KIAA1671: variants seen among roughly 807,000 people sequenced by gnomAD.
The protein encoded by KIAA1671 is uncharacterized protein KIAA1671.
In KIAA1671, 52 loss-of-function variants were observed where a neutral mutation model predicts 131.2. The observed-to-expected ratio is 0.40, with a 90% CI of 0.32 to 0.50. The LOEUF (loss-of-function observed/expected upper bound fraction) is 0.50, where lower values mean the gene tolerates loss of function less well. Among genes scored for constraint, KIAA1671 ranks in the 20% least tolerant of loss-of-function variants. The probability of loss-of-function intolerance (pLI) is 0.73; values close to 1 mark genes in which losing one functional copy is unlikely to be tolerated. For missense variants in KIAA1671, 2,360 were observed against 2,364.2 expected (o/e 1.00, Z 0.04); for synonymous variants, 1,003 against 961.6 (o/e 1.04, Z -0.80).
rs1033366857 is a variant in KIAA1671, at chr22:25,038,944, G to A, written c.1814G>A (p.Arg605Gln). ...CPSDVTPEDD[R>Q]SFQTVWATVF... ...TCTGACGTCACTCCAGAGGATGACC[G>A]GAGCTTCCAGACTGTGTGGGCCACA... The change falls in exon 5 of 13, where the codon CGG becomes CAG. Residue 605 changes from arginine to glutamine, a missense_variant. By Grantham distance (43) the Arg-to-Gln change is conservative. Transcript: ENST00000358431. 57 of 1,551,602 alleles carry A rather than the reference G, an allele frequency of 3.7e-5. No homozygotes were observed. The highest frequency in any genetic ancestry group is 4.4e-5 in the Non-Finnish European group (50 of 1,147,014).
intron 4 of KIAA1671, among the ~76,000 whole-genome samples, chr22:25,034,493 G>GT (rs1926480813): frequency 6.6e-6 from 1 of 151,870 alleles, no homozygotes. Context: ...TTCACTCAGA[G>GT]TAATTATGTT....
intron 6 of KIAA1671, among the ~76,000 whole-genome samples, chr22:25,161,228 C>T (rs1199539923): frequency 2.0e-5 from 3 of 152,234 alleles, no homozygotes; most frequent in Admixed American, 6.5e-5. Flanking sequence ...CAAAAAACAG[C>T]GACCCCCTTG....
At chr22:24,992,841 C>T (rs1312972695) in intron 1 of KIAA1671, among the ~76,000 whole-genome samples, 1 of 93,654 alleles carries the variant, frequency 1.1e-5, no homozygotes, top group Non-Finnish European at 2.3e-5. Context: ...AAAAAAAAGA[C>T]AATGCCAAGT....
rs543631808 is a variant in KIAA1671 at position 25,125,029 on chromosome 22, G to C, written c.4531-45791G>C. ...CTGCTTCAGCCTCCCAAAGTGCTGG[G>C]ATTACAGGCATGAGCCACTGTTCCT... On this transcript the variant is annotated intron_variant, in intron 6 of 12. Coordinates refer to ENST00000358431, the MANE Select transcript of KIAA1671 (RefSeq NM_001145206.2). Among the ~76,000 whole-genome samples the C allele has an allele frequency of 1.4e-3, 216 of 152,322 alleles. 3 individuals carry two copies. The Middle Eastern group carries it at 0.024, about 17-fold the overall frequency.
chr22:25,033,652 C>T (rs1023747723), intron 4 of KIAA1671, among the ~76,000 whole-genome samples: 2 of 133,500 alleles, frequency 1.5e-5, no homozygotes, highest in South Asian at 5.3e-4. Context: ...GATCTCGGCT[C>T]GCTGCAAGCT....
chr22:24,978,303 C>T (rs1923021690), intron 1 of KIAA1671, among the ~76,000 whole-genome samples: 1 of 152,284 alleles, frequency 6.6e-6, no homozygotes, highest in Non-Finnish European at 1.5e-5. Flanking sequence ...GCTTTTGCCT[C>T]TTCCTCATTT....
chr22:25,039,986 A>AC lies in KIAA1671; in HGVS notation c.2862dup (p.Asn955GlnfsTer5). ...TGGACAGATGGCGGCGGCGGACTTT[A>AC]CCCCCCAACGTGAAATTTGATACAT... On this transcript the variant is annotated frameshift_variant, in exon 5 of 13. Transcript: ENST00000358431. LOFTEE classifies it high-confidence loss of function. 6.4e-7 allele frequency: 1 copy of AC among 1,550,850 alleles called. No individual in the cohort carries two copies. The highest frequency in any genetic ancestry group is 8.7e-7 in the Non-Finnish European group (1 of 1,146,598).
intron 1 of KIAA1671, among the ~76,000 whole-genome samples, chr22:24,966,286 C>G (rs1467500769): frequency 6.6e-6 from 1 of 152,144 alleles, no homozygotes; most frequent in Non-Finnish European, 1.5e-5. Context: ...GCGAGCACTG[C>G]CGAGGGAAGG....
chr22:25,029,586 C>A, intron 3 of KIAA1671, 46 bp downstream of exon 3: 1 of 1,392,738 alleles, frequency 7.2e-7, no homozygotes, highest in Non-Finnish European at 9.7e-7. Context: ...CCCACCCACA[C>A]ACCCTGAGGA....
intron 6 of KIAA1671, among the ~76,000 whole-genome samples, chr22:25,096,723 T>G (rs758302332): frequency 6.6e-5 from 10 of 152,318 alleles, no homozygotes; most frequent in Non-Finnish European, 1.5e-4. Flanking sequence ...GTGAAAATAA[T>G]AAGCACGTTC....
At chr22:25,104,420 G>GTC (rs1930882960) in intron 6 of KIAA1671, among the ~76,000 whole-genome samples, 1 of 152,224 alleles carries the variant, frequency 6.6e-6, no homozygotes, top group Non-Finnish European at 1.5e-5. Flanking sequence ...AAAGCCGAAG[G>GTC]TTGTCTTGGA....
intron 1 of KIAA1671, among the ~76,000 whole-genome samples, chr22:24,957,965 C>CTTTTT (rs140702390): frequency 3.5e-5 from 4 of 114,458 alleles, no homozygotes; most frequent in East Asian, 5.2e-4. Context: ...GGCACCCGGC[C>CTTTTT]TTTTTTTTTT....
chr22:25,039,396 G>A lies in KIAA1671; in HGVS notation c.2266G>A (p.Ala756Thr). ...CATCTCACCGGCACCGGAGGAGAAAGCGGTCACGCTCCGCAGCCTCAGGTC... is the reference window on the plus strand; with the variant it reads ...CATCTCACCGGCACCGGAGGAGAAAACGGTCACGCTCCGCAGCCTCAGGTC... Reference protein sequence around the residue: ...EAISPAPEEKAVTLRSLRSWL... With the variant: ...EAISPAPEEKTVTLRSLRSWL... The change falls in exon 5 of 13, where the codon GCG becomes ACG. Residue 756 changes from alanine to threonine, a missense_variant. Physicochemically the swap from Ala to Thr is moderately conservative, Grantham distance 58. Around this residue, in one of 3 missense-constraint regions of KIAA1671, gnomAD observed 1,185 missense variants for 1,126.2 expected, o/e 1.05. Transcript: ENST00000358431. 1 of 1,551,844 alleles carries A rather than the reference G, an allele frequency of 6.4e-7. No individual in the cohort carries two copies. Among genetic ancestry groups the A allele is most frequent in the South Asian group, 1.2e-5 (1 of 84,064 alleles).
chr22:25,069,442 G>A (rs564694848), intron 6 of KIAA1671, among the ~76,000 whole-genome samples: 1 of 152,262 alleles, frequency 6.6e-6, no homozygotes, highest in South Asian at 2.1e-4. Flanking sequence ...TCCCCACCTG[G>A]TGCAGCTGGC....
At chr22:25,101,921 A>G (rs1004055470) in intron 6 of KIAA1671, among the ~76,000 whole-genome samples, 3 of 152,336 alleles carry the variant, frequency 2.0e-5, no homozygotes, top group East Asian at 1.9e-4. Context: ...TAGGGGTTAC[A>G]TAGGCAGAGT....
chr22:25,067,547 T>C (rs1378333079), intron 6 of KIAA1671, among the ~76,000 whole-genome samples: 1 of 152,008 alleles, frequency 6.6e-6, no homozygotes, highest in African/African-American at 2.4e-5. Flanking sequence ...TTCCCTGTCT[T>C]GCCCTTCCCT....
chr22:24,978,675 T>A (rs1428024672), intron 1 of KIAA1671, among the ~76,000 whole-genome samples: 1 of 151,708 alleles, frequency 6.6e-6, no homozygotes, highest in Non-Finnish European at 1.5e-5. Flanking sequence ...ACCATCTTAA[T>A]CTTTTGTTTT....
rs1049826237 is a variant in KIAA1671, at chr22:25,193,752, G to T, written c.*1351G>T. On this transcript the variant is annotated 3_prime_UTR_variant, in exon 13 of 13. Transcript: ENST00000358431. ...CTGTTCAGCACCAGGGACAGCAACTGCAGGGCTGTGAGGCCGGAGCCCACC... is the reference window on the plus strand; with the variant it reads ...CTGTTCAGCACCAGGGACAGCAACTTCAGGGCTGTGAGGCCGGAGCCCACC... 6.6e-6 allele frequency: 1 copy of T among 152,252 alleles called. No homozygotes were observed. Among genetic ancestry groups the T allele is most frequent in the Admixed American group, 6.5e-5 (1 of 15,286 alleles). The allele number at this position is 152,252 out of a possible 1,614,324, so 9.4% of individuals were successfully genotyped here. A position where few individuals can be genotyped will look rare whatever the true frequency, so the allele number is the denominator to read the frequency against.
At chr22:25,070,119 C>T (rs1928732710) in intron 6 of KIAA1671, 3 of 365,702 alleles carry the variant, frequency 8.2e-6, no homozygotes, top group Non-Finnish European at 1.5e-5. Context: ...GGACCCGCCC[C>T]ACTGGACGAG....
Sources: allele counts gnomAD v4.1 joint callset (sites outside exome capture counted in the v4.1 genomes callset), GRCh38; gene constraint gnomAD v4.1.1; regional missense constraint gnomAD v4.1.1; transcripts MANE v1.5; gene names NCBI Gene and HGNC (gene_info 2026-07-23, HGNC 2026-07-21).